Variants in CNTNAP5 observed in about 807,000 individuals in gnomAD.
CNTNAP5 encodes contactin-associated protein-like 5.
Under a neutral mutation model 150.2 loss-of-function variants are expected in CNTNAP5, and 72 were observed. The observed-to-expected ratio is 0.48, with a 90% CI of 0.40 to 0.58. The LOEUF is 0.58. Ranked by LOEUF, CNTNAP5 falls within the 20% of genes least tolerant of loss-of-function variation. CNTNAP5 has a pLI of 0.00. For missense variants in CNTNAP5, 1,636 were observed against 1,626.2 expected, an observed-to-expected ratio of 1.01 and a Z score of -0.10; for synonymous variants, 672 against 619.8, an observed-to-expected ratio of 1.08 and a Z score of -1.25.
intron 10 of CNTNAP5, among the ~76,000 whole-genome samples, chr2:124,555,440 AC>A (rs1262700493): frequency 6.6e-6 from 1 of 152,256 alleles, no homozygotes; most frequent in East Asian, 1.9e-4. Flanking sequence ...TGACCATGAA[AC>A]CCATATCACT....
At chr2:124,424,035 T>A (rs1222601180) in intron 4 of CNTNAP5, among the ~76,000 whole-genome samples, 2 of 152,178 alleles carry the variant, frequency 1.3e-5, no homozygotes, top group Non-Finnish European at 2.9e-5. Flanking sequence ...CCAGTCTCAT[T>A]ATGAATTACA....
chr2:124,291,505 G>T (rs1688292347), intron 3 of CNTNAP5, among the ~76,000 whole-genome samples: 1 of 150,978 alleles, frequency 6.6e-6, no homozygotes, highest in Admixed American at 6.6e-5. Context: ...TTGTAATTCT[G>T]TACACCAGAG....
intron 1 of CNTNAP5, among the ~76,000 whole-genome samples, chr2:124,116,284 G>A (rs62163878): frequency 8.5e-5 from 13 of 152,130 alleles, no homozygotes; most frequent in Non-Finnish European, 1.8e-4. Context: ...GAGTTAGGAG[G>A]GATGTATACA....
At chr2:124,351,358 A>G (rs1003358332) in intron 3 of CNTNAP5, among the ~76,000 whole-genome samples, 1 of 152,174 alleles carries the variant, frequency 6.6e-6, no homozygotes, top group Non-Finnish European at 1.5e-5. Flanking sequence ...TTCTGTGACT[A>G]TACATCCTGG....
chr2:124,684,053 T>C (rs1407231828), intron 13 of CNTNAP5, among the ~76,000 whole-genome samples: 1 of 152,192 alleles, frequency 6.6e-6, no homozygotes, highest in East Asian at 1.9e-4. Flanking sequence ...AAACAGACCA[T>C]TTGCAAAATT....
intron 13 of CNTNAP5, among the ~76,000 whole-genome samples, chr2:124,743,796 G>A (rs1257590260): frequency 2.6e-5 from 4 of 151,840 alleles, no homozygotes; most frequent in East Asian, 3.9e-4. Flanking sequence ...TTTTTTTCCT[G>A]TTAAACCTTC....
chr2:124,485,631 A>AAAAAAAGAAGAAG (rs1457112306), intron 7 of CNTNAP5, among the ~76,000 whole-genome samples: 16 of 134,194 alleles, frequency 1.2e-4, no homozygotes, highest in African/African-American at 3.1e-4. Flanking sequence ...AAAAAAAAAA[A>AAAAAAAGAAGAAG]AAAGAAGAAG....
intron 13 of CNTNAP5, among the ~76,000 whole-genome samples, chr2:124,685,543 A>G (rs1431932043): frequency 6.6e-6 from 1 of 152,154 alleles, no homozygotes; most frequent in Non-Finnish European, 1.5e-5. Flanking sequence ...AAATATTTTT[A>G]CTGCCAACAA....
Position 124,524,317 on chromosome 2 carries a change from G to A in CNTNAP5, c.1342G>A (p.Asp448Asn). 6.2e-7 allele frequency: 1 copy of A among 1,613,788 alleles called. No homozygotes were observed. The highest frequency in any genetic ancestry group is 1.7e-4 in the Middle Eastern group (1 of 6,050). ...AEILTGSNLN[D>N]GLWHSVSINA... ...TTCTCTTGCAGGCAGCAACTTGAAT[G>A]ATGGCCTGTGGCACTCGGTTAGCAT... Residue 448 changes from aspartate (D) to asparagine (N), a missense_variant, in exon 9 of 24, where the codon GAT becomes AAT. Asp to Asn is a conservative substitution (Grantham distance 23). Coordinates refer to ENST00000682447, the MANE Select transcript of CNTNAP5 (RefSeq NM_001367498.1).
intron 1 of CNTNAP5, among the ~76,000 whole-genome samples, chr2:124,215,249 A>T (rs565838086): frequency 1.3e-5 from 2 of 152,300 alleles, no homozygotes; most frequent in African/African-American, 4.8e-5. Flanking sequence ...ACATACAGAC[A>T]ATTTACCGTG....
chr2:124,388,586 A>G (rs1209502505), intron 3 of CNTNAP5, among the ~76,000 whole-genome samples: 3 of 152,138 alleles, frequency 2.0e-5, no homozygotes, highest in Non-Finnish European at 4.4e-5. Flanking sequence ...GAGCATTTAT[A>G]TGTTCCCGCT....
chr2:124,756,578 C>A (rs1680845131), intron 14 of CNTNAP5, among the ~76,000 whole-genome samples: 1 of 152,120 alleles, frequency 6.6e-6, no homozygotes, highest in East Asian at 1.9e-4. Context: ...AAATACTATG[C>A]AGTCATAAAA....
chr2:124,046,473 A>G (rs1420764990), intron 1 of CNTNAP5, among the ~76,000 whole-genome samples: 1 of 150,434 alleles, frequency 6.6e-6, no homozygotes, highest in South Asian at 2.1e-4. Flanking sequence ...GTTAATATCT[A>G]GAATTTGCAA....
intron 3 of CNTNAP5, among the ~76,000 whole-genome samples, chr2:124,301,006 A>G (rs1688557835): frequency 6.6e-6 from 1 of 152,194 alleles, no homozygotes; most frequent in Non-Finnish European, 1.5e-5. Context: ...GTTTTAAAAC[A>G]TGGTATGCTT....
chr2:124,853,495 G>C (rs913171350), intron 19 of CNTNAP5, among the ~76,000 whole-genome samples: 1 of 152,116 alleles, frequency 6.6e-6, no homozygotes, highest in Non-Finnish European at 1.5e-5. Context: ...CCGCTCCACT[G>C]TCCTACAGTT....
At chr2:124,758,350 T>A (rs560036763) in intron 14 of CNTNAP5, among the ~76,000 whole-genome samples, 1 of 151,520 alleles carries the variant, frequency 6.6e-6, no homozygotes, top group East Asian at 1.9e-4. Context: ...GTGAAGGAGG[T>A]TGAACATCTT....
intron 3 of CNTNAP5, among the ~76,000 whole-genome samples, chr2:124,387,753 G>A (rs1690967090): frequency 6.6e-6 from 1 of 152,090 alleles, no homozygotes; most frequent in African/African-American, 2.4e-5. Flanking sequence ...AGTTACTTCA[G>A]GCCATCTGGA....
At chr2:124,317,077 G>A (rs1688985641) in intron 3 of CNTNAP5, among the ~76,000 whole-genome samples, 1 of 152,102 alleles carries the variant, frequency 6.6e-6, no homozygotes, top group Non-Finnish European at 1.5e-5. Context: ...AGTCTGGGCA[G>A]CACGCCATTA....
chr2:124,598,011 T>C (rs183709007), intron 11 of CNTNAP5, among the ~76,000 whole-genome samples: 3,362 of 102,900 alleles, frequency 0.033, 149 homozygotes, highest in African/African-American at 0.045. Context: ...CTTTAAGCAC[T>C]TCTCTGTATT....
Sources: allele counts gnomAD v4.1 joint callset (sites outside exome capture counted in the v4.1 genomes callset), GRCh38; gene constraint gnomAD v4.1.1; transcripts MANE v1.5; gene names NCBI Gene and HGNC (gene_info 2026-07-23, HGNC 2026-07-21).